The following DENND1A variants were observed in gnomAD, a reference collection of about 807,000 sequenced individuals.
The protein encoded by DENND1A is DENN domain containing 1A.
In DENND1A, 51 loss-of-function variants were observed where a neutral mutation model predicts 113.7. The observed-to-expected ratio is 0.45, with a 90% confidence interval of 0.36 to 0.57. The LOEUF (loss-of-function observed/expected upper bound fraction) is 0.57. Ranked by LOEUF, DENND1A falls within the 20% of genes least tolerant of loss-of-function variation. The pLI, the probability that DENND1A is intolerant of heterozygous loss-of-function variation, is 0.00. For missense variants in DENND1A, 1,258 were observed against 1,395.9 expected (o/e 0.90, Z 1.57); for synonymous variants, 565 against 570.8 (o/e 0.99, Z 0.14).
At chr9:123,711,516 T>TATATATATAC (rs2066619678) in intron 5 of DENND1A, among the ~76,000 whole-genome samples, 2 of 25,736 alleles carry the variant, frequency 7.8e-5, no homozygotes, top group African/African-American at 5.6e-4. Flanking sequence ...TATATATGTA[T>TATATATATAC]ATATATATAT....
chr9:123,658,812 G>A (rs927490429), intron 8 of DENND1A, among the ~76,000 whole-genome samples: 4 of 152,172 alleles, frequency 2.6e-5, no homozygotes, highest in Non-Finnish European at 5.9e-5. Flanking sequence ...CCTTAGAGAA[G>A]GAGAGAGGAC....
chr9:123,396,643 T>C (rs530631636), intron 21 of DENND1A, among the ~76,000 whole-genome samples: 12 of 152,350 alleles, frequency 7.9e-5, no homozygotes, highest in Middle Eastern at 3.4e-3. Flanking sequence ...TTTAATCTTC[T>C]GGGGCTTTGG....
At chr9:123,416,545 C>T (rs546619446) in intron 19 of DENND1A, among the ~76,000 whole-genome samples, 2 of 152,204 alleles carry the variant, frequency 1.3e-5, no homozygotes, top group Non-Finnish European at 1.5e-5. Flanking sequence ...GTCCCCTGGC[C>T]GGGTTGAAAT....
chr9:123,730,979 C>T (rs897022625), intron 5 of DENND1A, among the ~76,000 whole-genome samples: 4 of 152,044 alleles, frequency 2.6e-5, no homozygotes, highest in Non-Finnish European at 5.9e-5. Context: ...AAGCTGGAAA[C>T]CATCATTCTC....
chr9:123,475,784 G>A (rs2049863088), intron 13 of DENND1A, among the ~76,000 whole-genome samples: 2 of 152,256 alleles, frequency 1.3e-5, no homozygotes, highest in Admixed American at 1.3e-4. Context: ...TATAAGAGTT[G>A]CCCAGATAGA....
At chr9:123,617,143 T>A (rs2060690740) in intron 10 of DENND1A, among the ~76,000 whole-genome samples, 1 of 152,234 alleles carries the variant, frequency 6.6e-6, no homozygotes, top group Non-Finnish European at 1.5e-5. Flanking sequence ...GCAAGCTTTT[T>A]TCTTTTTAGG....
At chr9:123,634,552 T>C (rs2061619540) in intron 9 of DENND1A, among the ~76,000 whole-genome samples, 1 of 152,260 alleles carries the variant, frequency 6.6e-6, no homozygotes, top group Non-Finnish European at 1.5e-5. Context: ...AAGGCCTATG[T>C]TCATTCCTTA....
chr9:123,913,652 T>C (rs938220415), intron 1 of DENND1A, among the ~76,000 whole-genome samples: 14 of 152,270 alleles, frequency 9.2e-5, no homozygotes, highest in Non-Finnish European at 2.1e-4. Context: ...ACGCCTGTAA[T>C]CCCAGCACTT....
chr9:123,626,017 G>A (rs1323242251), intron 10 of DENND1A, among the ~76,000 whole-genome samples: 1 of 151,904 alleles, frequency 6.6e-6, no homozygotes, highest in Non-Finnish European at 1.5e-5. Flanking sequence ...TCAACCTCCT[G>A]CGTAGCTGGG....
At chr9:123,390,370 C>A (rs2042777010) in intron 21 of DENND1A, among the ~76,000 whole-genome samples, 1 of 152,224 alleles carries the variant, frequency 6.6e-6, no homozygotes, top group South Asian at 2.1e-4. Flanking sequence ...CCCCTCTGGG[C>A]TCCCATCTGT....
At chr9:123,854,916 AGAT>A (rs1478220039) in intron 2 of DENND1A, among the ~76,000 whole-genome samples, 2 of 150,940 alleles carry the variant, frequency 1.3e-5, no homozygotes, top group East Asian at 3.9e-4. Context: ...GGGAAATAGA[AGAT>A]AATGAACCGA....
intron 2 of DENND1A, among the ~76,000 whole-genome samples, chr9:123,818,704 C>A (rs1373693604): frequency 6.6e-6 from 1 of 151,936 alleles, no homozygotes; most frequent in Non-Finnish European, 1.5e-5. Context: ...GCACATGAAA[C>A]AAAGTTTGTG....
intron 21 of DENND1A, among the ~76,000 whole-genome samples, chr9:123,390,460 T>TTAAAATGATATCAACAAGCAGGTTGA (rs574419892): frequency 1.9e-4 from 29 of 152,272 alleles, no homozygotes; most frequent in Admixed American, 5.9e-4. Flanking sequence ...CAGAAAGTGT[T>TTAAAATGATATCAACAAGCAGGTTGA]TAAAATGATA....
chr9:123,737,186 T>C (rs2068627025), intron 5 of DENND1A, among the ~76,000 whole-genome samples: 1 of 152,072 alleles, frequency 6.6e-6, no homozygotes, highest in Non-Finnish European at 1.5e-5. Context: ...CAACTCAGTT[T>C]TGGTTGTTGT....
rs1160351535 is a variant in DENND1A, at chr9:123,571,491, C to A, written c.867+11678G>T. ...CCTCCATCCCAGCCCAAGGCAACCACTGATCTGCTTTCAGCCACTATAGAC... is the reference window on the plus strand; with the variant it reads ...CCTCCATCCCAGCCCAAGGCAACCAATGATCTGCTTTCAGCCACTATAGAC... On this transcript the variant is annotated intron_variant, in intron 12 of 23. Coordinates refer to ENST00000394215, the MANE Select transcript of DENND1A (RefSeq NM_001352964.2). Among the ~76,000 whole-genome samples the A allele has an allele frequency of 3.9e-5, 6 of 152,234 alleles. No individual in the cohort carries two copies. The East Asian group carries it at 1.2e-3, about 29-fold the overall frequency.
chr9:123,476,309 G>A (rs1329574839), intron 13 of DENND1A, among the ~76,000 whole-genome samples: 3 of 152,222 alleles, frequency 2.0e-5, no homozygotes, highest in Admixed American at 2.0e-4. Context: ...TCACGATGGT[G>A]TGGAGAACCC....
At chr9:123,664,362 T>G (rs1433709422) in intron 8 of DENND1A, among the ~76,000 whole-genome samples, 1 of 152,156 alleles carries the variant, frequency 6.6e-6, no homozygotes, top group South Asian at 2.1e-4. Context: ...TTCACAATCT[T>G]TAAATTTATT....
At chr9:123,778,956 A>G (rs1830847588) in intron 3 of DENND1A, among the ~76,000 whole-genome samples, 2 of 152,228 alleles carry the variant, frequency 1.3e-5, no homozygotes, top group Non-Finnish European at 1.5e-5. Context: ...TATTTTTAAA[A>G]AAATGTTTAA....
intron 12 of DENND1A, among the ~76,000 whole-genome samples, chr9:123,570,138 T>C (rs2058276496): frequency 6.6e-6 from 1 of 152,192 alleles, no homozygotes; most frequent in Non-Finnish European, 1.5e-5. Flanking sequence ...GAAGGATGAC[T>C]GTTTCTCAAG....
Sources: gnomAD v4.1 joint callset for allele counts (sites outside exome capture counted in the v4.1 genomes callset) on GRCh38, gnomAD v4.1.1 for gene constraint, MANE v1.5 for transcripts, NCBI Gene and HGNC (gene_info 2026-07-23, HGNC 2026-07-21) for gene names.